Variants in IL10RA observed in about 807,000 individuals in gnomAD.
IL10RA encodes the protein interleukin 10 receptor subunit alpha, also known as interleukin-10 receptor subunit alpha.
IL10RA carries 18 observed loss-of-function variants against 29.6 expected under a neutral mutation model. The observed-to-expected ratio is 0.61, with a 90% CI of 0.42 to 0.90. The LOEUF is 0.90. IL10RA is among the 40% of genes least tolerant of loss of function. The probability of loss-of-function intolerance (pLI) is 0.00; values close to 1 mark genes in which losing one functional copy is unlikely to be tolerated. For synonymous variants in IL10RA, 292 were observed against 294.1 expected (o/e 0.99, Z 0.07); for missense variants, 634 against 716.6 (o/e 0.88, Z 1.32).
At chr11:117,990,352 A>ATT (rs11355213) in intron 3 of IL10RA, among the ~76,000 whole-genome samples, 1 of 149,258 alleles carries the variant, frequency 6.7e-6, no homozygotes, top group African/African-American at 2.4e-5. Context: ...GGGCATCTGT[A>ATT]TTTTTTTTTT....
intron 1 of IL10RA, chr11:117,987,945 T>C: frequency 3.7e-6 from 1 of 273,364 alleles, no homozygotes. Flanking sequence ...GTGTACTTAG[T>C]GAGGTGGCTT....
rs1485772210 is a variant in IL10RA, at chr11:117,989,476, T to C, written c.223T>C (p.Cys75Arg). The C allele has an allele frequency of 6.2e-7, 1 of 1,614,234 alleles. No homozygotes were observed. The highest frequency in any genetic ancestry group is 8.5e-7 in the Non-Finnish European group (1 of 1,180,038). The part of the protein sequence containing the change: ...GIESWNSISN[C>R]SQTLSYDLTA... ...AGAGTCCTGGAACTCCATCTCCAAC[T>C]GTAGCCAGACCCTGTCCTATGACCT... is the stretch of plus-strand genomic sequence containing the variant. Residue 75 changes from cysteine (C) to arginine (R), a missense_variant, in exon 3 of 7, where the codon TGT (cysteine) becomes CGT (arginine). By Grantham distance (180) the Cys-to-Arg change is radical (BLOSUM62 -3). Transcript: ENST00000227752. This position sits in a 1 kb window ranked among gnomAD's most constrained non-coding sequence, Gnocchi z 4.5.
chr11:117,990,063 A>G (rs1334091469), intron 3 of IL10RA, among the ~76,000 whole-genome samples: 1 of 152,174 alleles, frequency 6.6e-6, no homozygotes, highest in Non-Finnish European at 1.5e-5. Flanking sequence ...GAAGTTATGG[A>G]TCCCTCTCTG....
At chr11:117,990,336 G>A (rs1414307384) in intron 3 of IL10RA, among the ~76,000 whole-genome samples, 1 of 141,514 alleles carries the variant, frequency 7.1e-6, no homozygotes, top group Non-Finnish European at 1.5e-5. Context: ...GTCTTGAATG[G>A]GCCCAGGGCA....
intron 6 of IL10RA, among the ~76,000 whole-genome samples, chr11:117,996,831 C>T (rs1179671166): frequency 6.6e-6 from 1 of 152,212 alleles, no homozygotes; most frequent in Non-Finnish European, 1.5e-5. Context: ...GATATGCCCA[C>T]CTCGGCCTCC....
At chr11:117,992,180 C>T (rs2058027132) in intron 3 of IL10RA, among the ~76,000 whole-genome samples, 1 of 152,192 alleles carries the variant, frequency 6.6e-6, no homozygotes, top group Non-Finnish European at 1.5e-5. Flanking sequence ...GGTATCTCTT[C>T]AATACACTAA....
At position 117,986,494 on chromosome 11, in the gene IL10RA, G is replaced by T; in HGVS notation, c.27G>T (p.Leu9=). MLPCLVVL[L]AALLSLRLGS... ...TGCTGCCGTGCCTCGTAGTGCTGCT[G>T]GCGGCGCTCCTCAGCCTCCGTCTTG... Residue 9 remains leucine (L), a synonymous_variant, in exon 1 of 7, where the codon CTG becomes CTT. Coordinates refer to ENST00000227752, the MANE Select transcript of IL10RA (RefSeq NM_001558.4). The T allele has an allele frequency of 6.4e-7, 1 of 1,556,590 alleles. No individual in the cohort carries two copies. Among genetic ancestry groups the T allele is most frequent in the South Asian group, 1.2e-5 (1 of 84,390 alleles).
In IL10RA at chr11:117,986,556, C is replaced by T. The variant is rs56175324; in HGVS notation, c.67+22C>T. On this transcript the variant is annotated intron_variant, in intron 1 of 6. Coordinates refer to ENST00000227752, the MANE Select transcript of IL10RA (RefSeq NM_001558.4). Reference sequence around the variant, plus strand: ...CATGGTAAGGCTCCGGGACGCGGCCCTTCCCTGCCCTGCCCTCTCCGCGCC... The same window carrying T: ...CATGGTAAGGCTCCGGGACGCGGCCTTTCCCTGCCCTGCCCTCTCCGCGCC... 0.01 allele frequency: 15,949 copies of T among 1,550,914 alleles called. 608 individuals carry two copies. In the African/African-American group the frequency reaches 0.12, roughly 11 times the overall value.
Position 117,999,548 on chromosome 11 carries a change from AG to A in IL10RA, c.1646del (p.Gly549AlafsTer34). The part of the protein sequence containing the change: ...WSFAHDLAPL[G>X]CVAAPGGLLG... ...GCTTTGCCCATGACCTTGCCCCTCT[AG>A]GCTGTGTGGCAGCCCCAGGTGGTCT... On this transcript the variant is annotated frameshift_variant, in exon 7 of 7. Coordinates refer to ENST00000227752, the MANE Select transcript of IL10RA (RefSeq NM_001558.4). LOFTEE classifies it low-confidence loss of function (END_TRUNC). 6.2e-7 allele frequency: 1 copy of A among 1,614,150 alleles called. No homozygotes were observed.
chr11:117,994,131 A>T lies in IL10RA; in HGVS notation c.670A>T (p.Ile224Phe), dbSNP rs2228055. Reference sequence around the variant, plus strand: ...GGGGATGTGGTCTAAAGAGGAGTGCATCTCCCTCACCAGGCAGTGTGAGTC... The same window carrying T: ...GGGGATGTGGTCTAAAGAGGAGTGCTTCTCCCTCACCAGGCAGTGTGAGTC... Reference protein sequence around the residue: ...NKGMWSKEECISLTRQYFTVT... With the variant: ...NKGMWSKEECFSLTRQYFTVT... The change falls in exon 5 of 7, where the codon ATC becomes TTC. Residue 224 changes from isoleucine to phenylalanine, a missense_variant. Transcript: ENST00000227752. 1.9e-6 allele frequency: 3 copies of T among 1,613,968 alleles called. No individual in the cohort carries two copies. The highest frequency in any genetic ancestry group is 1.7e-4 in the Middle Eastern group (1 of 6,034).
chr11:118,001,744 G>A (rs1050196818), downstream of IL10RA: 1 of 238,872 alleles, frequency 4.2e-6, no homozygotes, highest in African/African-American at 2.2e-5. Flanking sequence ...GATGTTGTGA[G>A]GTGTAAATGA....
At chr11:117,986,923 C>G in intron 1 of IL10RA, 1 of 969,750 alleles carries the variant, frequency 1.0e-6, no homozygotes, top group South Asian at 1.3e-5. Context: ...GTCGACTCTT[C>G]AACTAACCTC....
chr11:117,999,782 C>T lies in IL10RA; in HGVS notation c.*141C>T, dbSNP rs1218117553. 1.3e-6 allele frequency: 1 copy of T among 770,216 alleles called. No homozygotes were observed. Among genetic ancestry groups the T allele is most frequent in the Admixed American group, 2.0e-5 (1 of 50,256 alleles). The allele number at this position is 770,216 out of a possible 1,614,324, so 47.7% of individuals were successfully genotyped here. ...TCCACTGGGGCTGGCCCCAGCCAGG[C>T]CCTGCAGGGCTGGTCAGGGTGTCTG... On this transcript the variant is annotated 3_prime_UTR_variant, in exon 7 of 7. Transcript: ENST00000227752.
chr11:117,991,911 T>G (rs946947533), intron 3 of IL10RA, among the ~76,000 whole-genome samples: 1 of 152,122 alleles, frequency 6.6e-6, no homozygotes, highest in Non-Finnish European at 1.5e-5. Context: ...ATTTTTGTAT[T>G]TTTAATAGAG....
Position 118,001,394 on chromosome 11 carries a change from G to T in IL10RA, c.*1753G>T. 1 of 453,662 alleles carries T rather than the reference G, an allele frequency of 2.2e-6. No homozygotes were observed. The highest frequency in any genetic ancestry group is 1.6e-5 in the South Asian group (1 of 64,464). 28.1% of individuals were successfully genotyped at this position (453,662 alleles called of 1,614,324 possible). A position where few individuals can be genotyped will look rare whatever the true frequency, so the allele number is the denominator to read the frequency against. On this transcript the variant is annotated 3_prime_UTR_variant, in exon 7 of 7. Coordinates refer to ENST00000227752, the MANE Select transcript of IL10RA (RefSeq NM_001558.4). ...TCGTAGGGATGTGAGGTTCTGCTGA[G>T]GAAATGGGTATGAATGTGCCTTGAA... is the stretch of plus-strand genomic sequence containing the variant.
chr11:117,988,522 G>T lies in IL10RA; in HGVS notation c.188+20G>T. The T allele has an allele frequency of 6.2e-7, 1 of 1,613,262 alleles. No individual in the cohort carries two copies. The highest frequency in any genetic ancestry group is 8.5e-7 in the Non-Finnish European group (1 of 1,179,260). On this transcript the variant is annotated intron_variant, in intron 2 of 6. Coordinates refer to ENST00000227752, the MANE Select transcript of IL10RA (RefSeq NM_001558.4). ...CCTGAGGTGAGGAAAAGGGAAGAGG[G>T]AGGGGGAGGGAGGAGTGAATCCCCG...
Position 117,994,114 on chromosome 11 carries a change from G to T in IL10RA, c.653G>T (p.Trp218Leu). 1 of 1,614,148 alleles carries T rather than the reference G, an allele frequency of 6.2e-7. No individual in the cohort carries two copies. The highest frequency in any genetic ancestry group is 8.5e-7 in the Non-Finnish European group (1 of 1,179,986). The change falls in exon 5 of 7, where the codon TGG becomes TTG. Residue 218 changes from tryptophan to leucine, a missense_variant. By Grantham distance (61) the Trp-to-Leu change is moderately conservative (BLOSUM62 -2). Transcript: ENST00000227752. ...GCTTCCCGAAGTAACAAGGGGATGT[G>T]GTCTAAAGAGGAGTGCATCTCCCTC... ...SVASRSNKGM[W>L]SKEECISLTR... is the part of the protein sequence containing the mutation.
rs1433277154 is a variant in IL10RA at position 118,001,231 on chromosome 11, A to G, written c.*1590A>G. ...TTGGAGAGGCAGCATTGCACAGTGAAAGAATTCTGGATATCTCAGGAGCCC... is the reference window on the plus strand; with the variant it reads ...TTGGAGAGGCAGCATTGCACAGTGAGAGAATTCTGGATATCTCAGGAGCCC... On this transcript the variant is annotated 3_prime_UTR_variant, in exon 7 of 7. Transcript: ENST00000227752. 2.2e-6 allele frequency: 1 copy of G among 454,156 alleles called. No individual in the cohort carries two copies. Among genetic ancestry groups the G allele is most frequent in the East Asian group, 6.9e-5 (1 of 14,468 alleles). 28.1% of individuals were successfully genotyped at this position (454,156 alleles called of 1,614,324 possible).
At chr11:117,998,177 T>A (rs1016567340) in intron 6 of IL10RA, among the ~76,000 whole-genome samples, 1 of 152,130 alleles carries the variant, frequency 6.6e-6, no homozygotes, top group Non-Finnish European at 1.5e-5. Flanking sequence ...GTGTCTTACA[T>A]CCAGAATTTT....
Sources: allele counts gnomAD v4.1 joint callset (sites outside exome capture counted in the v4.1 genomes callset), GRCh38; gene constraint gnomAD v4.1.1; non-coding constraint Gnocchi (gnomAD v3.1); transcripts MANE v1.5; gene names NCBI Gene and HGNC (gene_info 2026-07-23, HGNC 2026-07-21).